INPP5K: variants seen among roughly 807,000 people sequenced by gnomAD.
INPP5K encodes the protein inositol polyphosphate 5-phosphatase K.
INPP5K carries 35 observed loss-of-function variants against 53.5 expected under a neutral mutation model. The ratio of observed to expected loss-of-function variants is 0.65; its 90% CI spans 0.50 to 0.87. INPP5K has a LOEUF of 0.87. Ranked by LOEUF, INPP5K falls within the 40% of genes least tolerant of loss-of-function variation. The pLI, the probability that INPP5K is intolerant of heterozygous loss-of-function variation, is 0.00. For missense variants in INPP5K, 550 were observed against 586.2 expected (o/e 0.94, Z 0.64); for synonymous variants, 253 against 232.8 (o/e 1.09, Z -0.79).
At position 1,516,606 on chromosome 17, in the gene INPP5K, G is replaced by C; in HGVS notation, c.-107C>G. 2 of 1,411,608 alleles carry C rather than the reference G, an allele frequency of 1.4e-6. No homozygotes were observed. The highest frequency in any genetic ancestry group is 1.8e-6 in the Non-Finnish European group (2 of 1,091,502). The allele number at this position is 1,411,608 out of a possible 1,614,324, so 87.4% of individuals were successfully genotyped here. On this transcript the variant is annotated 5_prime_UTR_variant, in exon 1 of 12. Coordinates refer to ENST00000421807, the MANE Select transcript of INPP5K (RefSeq NM_016532.4). Reference sequence around the variant, plus strand: ...GGCCGGTCTCACGCGCCTAGCTGTCGCGGACTGTTTTTCTTCCGGACTCCG... The same window carrying C: ...GGCCGGTCTCACGCGCCTAGCTGTCCCGGACTGTTTTTCTTCCGGACTCCG...
chr17:1,515,457 C>T lies in INPP5K; in HGVS notation c.44+999G>A, dbSNP rs2075412109. 3 of 985,584 alleles carry T rather than the reference C, an allele frequency of 3.0e-6. No individual in the cohort carries two copies. The Admixed American group carries it at 1.8e-4, about 61-fold the overall frequency. The allele number at this position is 985,584 out of a possible 1,614,324, so 61.1% of individuals were successfully genotyped here. A position where few individuals can be genotyped will look rare whatever the true frequency, so the allele number is the denominator to read the frequency against. On this transcript the variant is annotated intron_variant, in intron 1 of 11. Coordinates refer to ENST00000421807, the MANE Select transcript of INPP5K (RefSeq NM_016532.4). ...TCTTTAGTGGAACAGTCAGTCACAGCAGCTCTTCAAGAAGCCTCAGACTGT... is the reference window on the plus strand; with the variant it reads ...TCTTTAGTGGAACAGTCAGTCACAGTAGCTCTTCAAGAAGCCTCAGACTGT...
intron 5 of INPP5K, 61 bp downstream of exon 5, chr17:1,509,117 G>A: frequency 1.0e-6 from 1 of 960,234 alleles, no homozygotes; most frequent in East Asian, 4.0e-5. Context: ...TCACTCGTGG[G>A]GGTTAGTGGG....
rs4790540 is a variant in INPP5K at position 1,502,177 on chromosome 17, G to A, written c.777-4055C>T. On this transcript the variant is annotated intron_variant, in intron 7 of 11. Coordinates refer to ENST00000421807, the MANE Select transcript of INPP5K (RefSeq NM_016532.4). Reference sequence around the variant, plus strand: ...ATCCTGGCTAACATGGTGAAACCCCGTCTCTACTAAAAATACAAAAAATTA... The same window carrying A: ...ATCCTGGCTAACATGGTGAAACCCCATCTCTACTAAAAATACAAAAAATTA... Among the ~76,000 whole-genome samples, 1,402 of 151,206 alleles carry A rather than the reference G, an allele frequency of 9.3e-3. 66 individuals are homozygous for A. The highest frequency in any genetic ancestry group is 0.073 in the Admixed American group (1,114 of 15,206).
intron 7 of INPP5K, among the ~76,000 whole-genome samples, chr17:1,505,327 T>C (rs905736719): frequency 1.3e-5 from 2 of 152,172 alleles, no homozygotes; most frequent in African/African-American, 4.8e-5. Context: ...GGTCTAACTA[T>C]GTTGCCCAGG....
chr17:1,504,220 G>GT (rs1367692669), intron 7 of INPP5K, among the ~76,000 whole-genome samples: 1 of 152,226 alleles, frequency 6.6e-6, no homozygotes, highest in African/African-American at 2.4e-5. Flanking sequence ...TCACAGTACA[G>GT]TAAGAAAGGT....
chr17:1,496,890 A>C, intron 8 of INPP5K, 87 bp from the exon 9 acceptor site: 2 of 1,426,788 alleles, frequency 1.4e-6, no homozygotes, highest in South Asian at 1.3e-5. Flanking sequence ...CCCTTCCAAC[A>C]TAGTGGGGAA....
intron 7 of INPP5K, among the ~76,000 whole-genome samples, chr17:1,501,403 C>A (rs2075009607): frequency 6.6e-6 from 1 of 152,188 alleles, no homozygotes; most frequent in Non-Finnish European, 1.5e-5. Context: ...GGGAAGGGTC[C>A]GTCCTGTTAA....
chr17:1,507,236 A>G (rs2075180576), intron 6 of INPP5K, 147 bp from the exon 7 acceptor site: 1 of 609,126 alleles, frequency 1.6e-6, no homozygotes, highest in Non-Finnish European at 2.9e-6. Context: ...CCCAGTGACT[A>G]CTCAGCAGCC....
intron 7 of INPP5K, among the ~76,000 whole-genome samples, chr17:1,502,209 C>T (rs865900088): frequency 1.7e-4 from 26 of 152,076 alleles, no homozygotes; most frequent in East Asian, 5.8e-4. Context: ...ATTAGCCAGG[C>T]GTGGTGACGG....
At chr17:1,512,665 C>T (rs896726710) in intron 3 of INPP5K, among the ~76,000 whole-genome samples, 1 of 152,106 alleles carries the variant, frequency 6.6e-6, no homozygotes, top group Non-Finnish European at 1.5e-5. Flanking sequence ...GATCTGGCAA[C>T]CCAGGGCCTT....
At position 1,503,356 on chromosome 17, in the gene INPP5K, TTTTA is replaced by T. The variant is rs1053279677; in HGVS notation, c.776+3620_776+3623del. Among the ~76,000 whole-genome samples, 32 of 152,060 alleles carry T rather than the reference TTTTA, an allele frequency of 2.1e-4. 1 individual carries two copies. Among genetic ancestry groups the T allele is most frequent in the Admixed American group, 1.8e-3 (27 of 15,268 alleles). On this transcript the variant is annotated intron_variant, in intron 7 of 11. Coordinates refer to ENST00000421807, the MANE Select transcript of INPP5K (RefSeq NM_016532.4). ...CCGCCACCATGCCCGGCTAATTTTTTTTTATTTTTAGTAGAGACGGGGTTTCACC... is the reference window on the plus strand; with the variant it reads ...CCGCCACCATGCCCGGCTAATTTTTTTTTTTAGTAGAGACGGGGTTTCACC...
intron 7 of INPP5K, among the ~76,000 whole-genome samples, chr17:1,500,277 T>C (rs962724954): frequency 1.3e-5 from 2 of 152,220 alleles, no homozygotes; most frequent in African/African-American, 4.8e-5. Flanking sequence ...GGACCTTTGC[T>C]TTTGCAGTAT....
At chr17:1,515,948 A>G in intron 1 of INPP5K, 1 of 988,544 alleles carries the variant, frequency 1.0e-6, no homozygotes, top group Middle Eastern at 5.2e-4. Flanking sequence ...TCCGACGATT[A>G]GCAGCAAATC....
chr17:1,516,078 G>C lies in INPP5K; in HGVS notation c.44+378C>G, dbSNP rs2075427614. 4 of 1,112,066 alleles carry C rather than the reference G, an allele frequency of 3.6e-6. No homozygotes were observed. The African/African-American group carries it at 5.0e-5, about 14-fold the overall frequency. 68.9% of individuals were successfully genotyped at this position (1,112,066 alleles called of 1,614,324 possible). On this transcript the variant is annotated intron_variant, in intron 1 of 11. Transcript: ENST00000421807. ...TATCTCAATCTGATTTCGGATTCCC[G>C]GGGTTCACCATGGGATCAGGCAGAC...
chr17:1,513,983 CG>C lies in INPP5K; in HGVS notation c.45-5del. On this transcript the variant is annotated splice_polypyrimidine_tract_variant and splice_region_variant and intron_variant, in intron 1 of 11. Transcript: ENST00000421807. ...GTTCCAAGTCACGACGTGTATGCTG[CG>C]GAAGGGATGCAGAGGGAAGTCATGG... The C allele has an allele frequency of 1.9e-6, 3 of 1,598,858 alleles. No homozygotes were observed. The highest frequency in any genetic ancestry group is 2.6e-6 in the Non-Finnish European group (3 of 1,168,764).
At chr17:1,508,330 A>G in intron 5 of INPP5K, 104 bp from the exon 6 acceptor site, 1 of 866,418 alleles carries the variant, frequency 1.2e-6, no homozygotes, top group South Asian at 1.4e-5. Context: ...TGGGGCACAG[A>G]AAACCTGAGG....
At chr17:1,503,968 G>A (rs1449488192) in intron 7 of INPP5K, among the ~76,000 whole-genome samples, 1 of 152,186 alleles carries the variant, frequency 6.6e-6, no homozygotes, top group East Asian at 1.9e-4. Context: ...CTGACTGATT[G>A]GAAAGCCCGC....
At chr17:1,502,118 G>C (rs1598371270) in intron 7 of INPP5K, among the ~76,000 whole-genome samples, 3 of 151,830 alleles carry the variant, frequency 2.0e-5, no homozygotes, top group Admixed American at 1.3e-4. Context: ...GGGAGGCCAA[G>C]GCGGGCAGAT....
intron 1 of INPP5K, among the ~76,000 whole-genome samples, chr17:1,514,744 G>A (rs1415814134): frequency 8.1e-6 from 1 of 123,854 alleles, no homozygotes; most frequent in African/African-American, 3.7e-5. Context: ...AAGACCACCA[G>A]GAAGATCCTA....
Sources: allele counts gnomAD v4.1 joint callset (sites outside exome capture counted in the v4.1 genomes callset), GRCh38; gene constraint gnomAD v4.1.1; transcripts MANE v1.5; gene names NCBI Gene and HGNC (gene_info 2026-07-23, HGNC 2026-07-21).